Variants in CUL7 observed in about 807,000 individuals in gnomAD.
The protein encoded by CUL7 is cullin 7.
CUL7 carries 96 observed loss-of-function variants against 177.7 expected under a neutral mutation model. The ratio of observed to expected loss-of-function variants is 0.54; its 90% CI spans 0.46 to 0.64. CUL7 has a LOEUF of 0.64. CUL7 is among the 30% of genes least tolerant of loss of function. CUL7 has a pLI of 0.00. For synonymous variants in CUL7, 824 were observed against 890.2 expected (o/e 0.93, Z 1.32); for missense variants, 1,893 against 2,187.9 (o/e 0.87, Z 2.69).
Position 43,045,555 on chromosome 6 carries a change from C to T in CUL7, c.2862+32G>A. ...TGTTTATGGGGCTCAGAGCCCCCTA[C>T]CCAGGGCCACACCCCACATCCCTGG... On this transcript the variant is annotated intron_variant, in intron 14 of 25. Coordinates refer to ENST00000265348, the MANE Select transcript of CUL7 (RefSeq NM_014780.5). The surrounding 1 kb of genome is among the most constrained non-coding windows in gnomAD (Gnocchi z 4.8). 6.2e-7 allele frequency: 1 copy of T among 1,613,426 alleles called. No individual in the cohort carries two copies. The highest frequency in any genetic ancestry group is 8.5e-7 in the Non-Finnish European group (1 of 1,179,492).
At position 43,040,336 on chromosome 6, in the gene CUL7, C is replaced by G. The variant is rs765976481; in HGVS notation, c.4114G>C (p.Glu1372Gln). ...AAVVDVAEGE[E>Q]EEEENEDLYY... is the part of the protein sequence containing the mutation. ...AGGTCCTCATTCTCCTCCTCTTCCT[C>G]CTCTCCCTCCGCCACATCCACCACT... The change falls in exon 22 of 26, where the codon GAG (glutamate) becomes CAG (glutamine). Residue 1372 changes from glutamate (E) to glutamine (Q), a missense_variant. Coordinates refer to ENST00000265348, the MANE Select transcript of CUL7 (RefSeq NM_014780.5). The surrounding 1 kb of genome is among the most constrained non-coding windows in gnomAD (Gnocchi z 4.2). The G allele has an allele frequency of 6.2e-7, 1 of 1,613,866 alleles. No individual in the cohort carries two copies. The highest frequency in any genetic ancestry group is 8.5e-7 in the Non-Finnish European group (1 of 1,179,968).
Position 43,051,400 on chromosome 6 carries a change from C to T in CUL7, c.801G>A (p.Leu267=), listed in dbSNP as rs1387883971. The change falls in exon 4 of 26, where the codon CTG becomes CTA. Residue 267 remains leucine, a synonymous_variant. Coordinates refer to ENST00000265348, the MANE Select transcript of CUL7 (RefSeq NM_014780.5). The surrounding 1 kb of genome is among the most constrained non-coding windows in gnomAD (Gnocchi z 5.0). ...CTCCTGGCTCCGCAGCACTGTCGTT[C>T]AGCTGATCCAGGAGCGAGGTGACAT... The part of the protein sequence containing the change: ...YLHVTSLLDQ[L]NDSAAEPGAQ... The T allele has an allele frequency of 1.2e-6, 2 of 1,613,998 alleles. No individual in the cohort carries two copies. Among genetic ancestry groups the T allele is most frequent in the East Asian group, 2.2e-5 (1 of 44,904 alleles).
Position 43,050,922 on chromosome 6 carries a change from C to T in CUL7, c.1233+46G>A, listed in dbSNP as rs774779178. 3 of 1,609,878 alleles carry T rather than the reference C, an allele frequency of 1.9e-6. No homozygotes were observed. Among genetic ancestry groups the T allele is most frequent in the South Asian group, 1.1e-5 (1 of 90,990 alleles). On this transcript the variant is annotated intron_variant, in intron 4 of 25. Transcript: ENST00000265348. This position sits in a 1 kb window ranked among gnomAD's most constrained non-coding sequence, Gnocchi z 4.1. ...ATATAGAAGTCCCAGCTCTGCCCTA[C>T]CCCAAATAGACCCCCAACAGTATCC...
At chr6:43,044,480 C>T (rs940840337) in intron 16 of CUL7, among the ~76,000 whole-genome samples, 2 of 147,638 alleles carry the variant, frequency 1.4e-5, no homozygotes, top group African/African-American at 2.6e-5. Flanking sequence ...GCGTGGGTAA[C>T]GAGCGAAAAT....
intron 6 of CUL7, 121 bp downstream of exon 6, chr6:43,049,842 C>G (rs1267167216): frequency 7.5e-7 from 1 of 1,332,794 alleles, no homozygotes; most frequent in Non-Finnish European, 1.1e-6. Flanking sequence ...CAGACCCCTC[C>G]TCTGCAGCCC....
rs1328884741 is a variant in CUL7, at chr6:43,051,495, T to C, written c.733-27A>G. ...TGTGGGATACAACCTTTGGCCTATA[T>C]CCACCTTGTCCCAGTTTAAGCCCCT... On this transcript the variant is annotated intron_variant, in intron 3 of 25. Coordinates refer to ENST00000265348, the MANE Select transcript of CUL7 (RefSeq NM_014780.5). The surrounding 1 kb of genome is among the most constrained non-coding windows in gnomAD (Gnocchi z 5.0). 1 of 1,614,018 alleles carries C rather than the reference T, an allele frequency of 6.2e-7. No individual in the cohort carries two copies. Among genetic ancestry groups the C allele is most frequent in the African/African-American group, 1.3e-5 (1 of 75,004 alleles).
In CUL7 at chr6:43,045,222, C is replaced by T; in HGVS notation, c.3038+5G>A. The T allele has an allele frequency of 6.2e-7, 1 of 1,613,618 alleles. No homozygotes were observed. Among genetic ancestry groups the T allele is most frequent in the East Asian group, 2.2e-5 (1 of 44,868 alleles). On this transcript the variant is annotated splice_donor_5th_base_variant and intron_variant, in intron 15 of 25. Coordinates refer to ENST00000265348, the MANE Select transcript of CUL7 (RefSeq NM_014780.5). The surrounding 1 kb of genome is among the most constrained non-coding windows in gnomAD (Gnocchi z 4.8). ...ACACAAGCATACACGCACACTCTCA[C>T]ACACCTAGAACTCAGGTGCAGGAGG...
intron 7 of CUL7, among the ~76,000 whole-genome samples, chr6:43,049,016 C>T (rs764064530): frequency 1.1e-4 from 16 of 152,104 alleles, no homozygotes; most frequent in Admixed American, 2.6e-4. Flanking sequence ...TCATGATCCA[C>T]CTGCCTTGGC....
chr6:43,043,626 C>T lies in CUL7; in HGVS notation c.3177G>A (p.Glu1059=). The T allele has an allele frequency of 6.2e-7, 1 of 1,600,918 alleles. No individual in the cohort carries two copies. Among genetic ancestry groups the T allele is most frequent in the Non-Finnish European group, 8.5e-7 (1 of 1,172,544 alleles). ...PVVQNITSPD[E]DGISPLGWLL... ...GCCAACCCAGGGGGCTAATGCCATC[C>T]TCATCTAGAGGGTGAGATAAACAAA... Residue 1059 remains glutamate (E), a synonymous_variant, in exon 17 of 26, where the codon GAG becomes GAA. Coordinates refer to ENST00000265348, the MANE Select transcript of CUL7 (RefSeq NM_014780.5). This position sits in a 1 kb window ranked among gnomAD's most constrained non-coding sequence, Gnocchi z 4.2.
rs200625651 is a variant in CUL7 at position 43,040,264 on chromosome 6, G to A, written c.4186C>T (p.Arg1396Ter). 8 of 1,614,000 alleles carry A rather than the reference G, an allele frequency of 5.0e-6. No individual in the cohort carries two copies. Among genetic ancestry groups the A allele is most frequent in the African/African-American group, 2.7e-5 (2 of 74,880 alleles). Reference sequence around the variant, plus strand: ...ATTGAGGCAACAGGCCAGGAGTGTCGGGACAGGACAAGCACAGACACTTCT... The same window carrying A: ...ATTGAGGCAACAGGCCAGGAGTGTCAGGACAGGACAAGCACAGACACTTCT... ...MPEVSVLVLS[R>*]HSWPVASICH... The change falls in exon 22 of 26, where the codon CGA (arginine) becomes TGA (stop). Residue 1396 changes from arginine to a stop codon, truncating the protein, a stop_gained. Coordinates refer to ENST00000265348, the MANE Select transcript of CUL7 (RefSeq NM_014780.5). LOFTEE classifies it high-confidence loss of function. This position sits in a 1 kb window ranked among gnomAD's most constrained non-coding sequence, Gnocchi z 4.2.
In CUL7 at chr6:43,045,916, G is replaced by T. The variant is rs1268229086; in HGVS notation, c.2766+70C>A. The T allele has an allele frequency of 3.0e-6, 4 of 1,319,726 alleles. No individual in the cohort carries two copies. In the African/African-American group the frequency reaches 4.4e-5, roughly 14 times the overall value. 81.8% of individuals were successfully genotyped at this position (1,319,726 alleles called of 1,614,324 possible). Reference sequence around the variant, plus strand: ...GTGGGAGTTAGAAAAAAGTAGGATAGGGCCAGATAGAAGCAGGAGGGCAGA... The same window carrying T: ...GTGGGAGTTAGAAAAAAGTAGGATATGGCCAGATAGAAGCAGGAGGGCAGA... On this transcript the variant is annotated intron_variant, in intron 13 of 25. Coordinates refer to ENST00000265348, the MANE Select transcript of CUL7 (RefSeq NM_014780.5). This position sits in a 1 kb window ranked among gnomAD's most constrained non-coding sequence, Gnocchi z 4.8.
rs938500405 is a variant in CUL7, at chr6:43,045,901, G to C, written c.2766+85C>G. The C allele has an allele frequency of 3.2e-6, 4 of 1,242,266 alleles. No homozygotes were observed. Among genetic ancestry groups the C allele is most frequent in the Admixed American group, 1.9e-5 (1 of 53,346 alleles). The allele number at this position is 1,242,266 out of a possible 1,614,324, so 77.0% of individuals were successfully genotyped here. A position where few individuals can be genotyped will look rare whatever the true frequency, so the allele number is the denominator to read the frequency against. ...TGGGGCTCAAGACAGGTGGGAGTTA[G>C]AAAAAAGTAGGATAGGGCCAGATAG... is the stretch of plus-strand genomic sequence containing the variant. On this transcript the variant is annotated intron_variant, in intron 13 of 25. Transcript: ENST00000265348. The surrounding 1 kb of genome is among the most constrained non-coding windows in gnomAD (Gnocchi z 4.8).
In CUL7 at chr6:43,045,308, C is replaced by T. The variant is rs201345667; in HGVS notation, c.2957G>A (p.Arg986His). Residue 986 changes from arginine (R) to histidine (H), a missense_variant, in exon 15 of 26, where the codon CGC becomes CAC. Coordinates refer to ENST00000265348, the MANE Select transcript of CUL7 (RefSeq NM_014780.5). This position sits in a 1 kb window ranked among gnomAD's most constrained non-coding sequence, Gnocchi z 4.8. ...CTGTGCCCGAACCATGTAGAAGAGG[C>T]GTGTGTGACGACAGAGCTGCTCCCG... is the stretch of plus-strand genomic sequence containing the variant. ...VFREQLCRHT[R>H]LFYMVRAQAW... 1.7e-4 allele frequency: 273 copies of T among 1,614,068 alleles called. 2 individuals are homozygous for T. The Middle Eastern group carries it at 2.8e-3, about 17-fold the overall frequency.
chr6:43,050,418 A>G lies in CUL7; in HGVS notation c.1234-20T>C. 6.2e-7 allele frequency: 1 copy of G among 1,613,996 alleles called. No homozygotes were observed. ...AAATACCTGGAGCATAGGGAAAGAA[A>G]GAGGGAAGGGGAAGGGAGGACTCAC... On this transcript the variant is annotated intron_variant, in intron 4 of 25. Coordinates refer to ENST00000265348, the MANE Select transcript of CUL7 (RefSeq NM_014780.5). The surrounding 1 kb of genome is among the most constrained non-coding windows in gnomAD (Gnocchi z 4.1).
rs1388238055 is a variant in CUL7, at chr6:43,043,568, C to G, written c.3235G>C (p.Val1079Leu). The change falls in exon 17 of 26, where the codon GTC becomes CTC. Residue 1079 changes from valine (V) to leucine (L), a missense_variant. By Grantham distance (32) the Val-to-Leu change is conservative. Coordinates refer to ENST00000265348, the MANE Select transcript of CUL7 (RefSeq NM_014780.5). This position sits in a 1 kb window ranked among gnomAD's most constrained non-coding sequence, Gnocchi z 4.2. ...LDQYLECQEA[V>L]FNPQSRGPAF... is the part of the protein sequence containing the mutation. Reference sequence around the variant, plus strand: ...GGGCCGCGGCTCTGGGGGTTGAAGACAGCTTCCTGACACTCCAGGTACTGG... The same window carrying G: ...GGGCCGCGGCTCTGGGGGTTGAAGAGAGCTTCCTGACACTCCAGGTACTGG... 6.2e-7 allele frequency: 1 copy of G among 1,613,598 alleles called. No homozygotes were observed. The highest frequency in any genetic ancestry group is 8.5e-7 in the Non-Finnish European group (1 of 1,179,838).
Position 43,046,609 on chromosome 6 carries a change from C to T in CUL7, c.2398-8G>A. 11 of 1,614,076 alleles carry T rather than the reference C, an allele frequency of 6.8e-6. No homozygotes were observed. Among genetic ancestry groups the T allele is most frequent in the Non-Finnish European group, 9.3e-6 (11 of 1,180,006 alleles). ...GATCTGGCCCAGCACCATCTGCAGC[C>T]AGAACATCAGAGAGAAGGGGCACAG... On this transcript the variant is annotated splice_region_variant and splice_polypyrimidine_tract_variant and intron_variant, in intron 10 of 25. Coordinates refer to ENST00000265348, the MANE Select transcript of CUL7 (RefSeq NM_014780.5).
chr6:43,049,701 C>A, intron 6 of CUL7, 39 bp from the exon 7 acceptor site: 4 of 1,611,782 alleles, frequency 2.5e-6, no homozygotes, highest in Non-Finnish European at 3.4e-6. Context: ...GACAGCCCTG[C>A]CGACCCAGAG....
rs1763756700 is a variant in CUL7 at position 43,044,867 on chromosome 6, G to A, written c.3057C>T (p.Arg1019=). 2 of 1,613,708 alleles carry A rather than the reference G, an allele frequency of 1.2e-6. No individual in the cohort carries two copies. The highest frequency in any genetic ancestry group is 1.7e-5 in the Admixed American group (1 of 59,988). The change falls in exon 16 of 26, where the codon CGC becomes CGT. Residue 1019 remains arginine, a synonymous_variant. Transcript: ENST00000265348. ...AGCGGTCAGCAAAATTCTGCTCCTG[G>A]CGCAGAGCACCGTTGAGTCTGGGGG... The part of the protein sequence containing the change: ...HLSSRLNGAL[R]QEQNFADRFL...
Position 43,053,476 on chromosome 6 carries a change from G to A in CUL7, c.-9+146C>T, listed in dbSNP as rs1429785379. On this transcript the variant is annotated intron_variant, in intron 1 of 25. Transcript: ENST00000265348. The surrounding 1 kb of genome is among the most constrained non-coding windows in gnomAD (Gnocchi z 4.1). The stretch of plus-strand genomic sequence containing the variant: ...GAGACTGGAGAAGCCAGGGGCGCGC[G>A]GTAAGGTGGGGGAGAGGGGATTAGG... 5 of 508,284 alleles carry A rather than the reference G, an allele frequency of 9.8e-6. No homozygotes were observed. The highest frequency in any genetic ancestry group is 3.9e-5 in the Admixed American group (1 of 25,890). The allele number at this position is 508,284 out of a possible 1,614,324, so 31.5% of individuals were successfully genotyped here. A position where few individuals can be genotyped will look rare whatever the true frequency, so the allele number is the denominator to read the frequency against.
Sources: allele counts gnomAD v4.1 joint callset (sites outside exome capture counted in the v4.1 genomes callset), GRCh38; gene constraint gnomAD v4.1.1; non-coding constraint Gnocchi (gnomAD v3.1); transcripts MANE v1.5; gene names NCBI Gene and HGNC (gene_info 2026-07-23, HGNC 2026-07-21).